The following TBC1D22A variants were observed in gnomAD, a reference collection of about 807,000 sequenced individuals.
TBC1D22A encodes putative GTPase activator.
In TBC1D22A, 38 loss-of-function variants were observed where a neutral mutation model predicts 60.2. That is an observed-to-expected ratio of 0.63 (90% CI 0.49 to 0.83). The LOEUF is 0.83. Ranked by LOEUF, TBC1D22A falls within the 40% of genes least tolerant of loss-of-function variation. The probability of loss-of-function intolerance (pLI) is 0.00; values close to 1 mark genes in which losing one functional copy is unlikely to be tolerated. For missense variants in TBC1D22A, 628 were observed against 701.0 expected (o/e 0.90, Z 1.18); for synonymous variants, 302 against 281.7 (o/e 1.07, Z -0.72).
At chr22:47,066,006 T>C (rs535264661) in intron 11 of TBC1D22A, among the ~76,000 whole-genome samples, 1 of 152,340 alleles carries the variant, frequency 6.6e-6, no homozygotes, top group African/African-American at 2.4e-5. Flanking sequence ...CACGCCACCC[T>C]GTGCGTCATG....
At chr22:46,960,325 G>A (rs1416683384) in intron 8 of TBC1D22A, among the ~76,000 whole-genome samples, 6 of 151,966 alleles carry the variant, frequency 3.9e-5, no homozygotes, top group East Asian at 1.9e-4. Context: ...GCAGCGGCAC[G>A]ATATGGGCTC....
At chr22:47,127,394 A>ATTTTTTTTT (rs11387235) in intron 12 of TBC1D22A, among the ~76,000 whole-genome samples, 3 of 122,514 alleles carry the variant, frequency 2.4e-5, no homozygotes, top group Non-Finnish European at 1.6e-5. Context: ...CGCCCAGCTG[A>ATTTTTTTTT]TTTTTTTTTT....
chr22:46,929,617 C>T (rs904875281), intron 8 of TBC1D22A, among the ~76,000 whole-genome samples: 2 of 152,186 alleles, frequency 1.3e-5, no homozygotes, highest in African/African-American at 4.8e-5. Context: ...GCAATTAATA[C>T]ACTCTCCAGT....
At chr22:46,810,312 C>T (rs1355904810) in intron 4 of TBC1D22A, among the ~76,000 whole-genome samples, 1 of 152,226 alleles carries the variant, frequency 6.6e-6, no homozygotes, top group African/African-American at 2.4e-5. Flanking sequence ...ATTTCTGTCT[C>T]CTTTCAGAAG....
intron 12 of TBC1D22A, among the ~76,000 whole-genome samples, chr22:47,123,802 G>A (rs986232728): frequency 2.6e-5 from 4 of 152,242 alleles, no homozygotes. Context: ...GTGCCTTTGT[G>A]TGCGGGTTGC....
intron 1 of TBC1D22A, among the ~76,000 whole-genome samples, chr22:46,772,536 A>G (rs1442624595): frequency 1.7e-5 from 1 of 58,592 alleles, no homozygotes; most frequent in Non-Finnish European, 3.3e-5. Flanking sequence ...ACACATATAC[A>G]TATATATGTA....
intron 5 of TBC1D22A, among the ~76,000 whole-genome samples, chr22:46,880,781 G>T (rs1369293355): frequency 6.6e-6 from 1 of 152,176 alleles, no homozygotes; most frequent in East Asian, 1.9e-4. Context: ...GGTGGGGAAG[G>T]AGGGGAGGGT....
At chr22:46,763,452 C>CA (rs2146642235) in intron 1 of TBC1D22A, 1 of 128,162 alleles carries the variant, frequency 7.8e-6, no homozygotes, top group Non-Finnish European at 1.6e-5. Flanking sequence ...GACCTGGGTA[C>CA]ACCCTAGATG....
chr22:47,079,267 AGTAGAGAT>A (rs1213004825), intron 11 of TBC1D22A, among the ~76,000 whole-genome samples: 3 of 151,870 alleles, frequency 2.0e-5, no homozygotes, highest in Non-Finnish European at 4.4e-5. Context: ...TTGTATTTTT[AGTAGAGAT>A]GGGGTTTCAC....
intron 10 of TBC1D22A, among the ~76,000 whole-genome samples, chr22:46,999,150 G>A (rs1242675585): frequency 6.6e-6 from 1 of 152,232 alleles, no homozygotes; most frequent in Admixed American, 6.5e-5. Flanking sequence ...GTTTGTTCCG[G>A]TGCTGCAGTT....
intron 8 of TBC1D22A, among the ~76,000 whole-genome samples, chr22:46,920,057 TTGTA>T (rs60952648): frequency 1.0e-4 from 6 of 59,156 alleles, no homozygotes; most frequent in Non-Finnish European, 1.4e-4. Context: ...ATGTGTTTGT[TTGTA>T]TGTATGTATG....
chr22:46,913,430 G>A (rs574355554), intron 8 of TBC1D22A: 1 of 1,365,420 alleles, frequency 7.3e-7, no homozygotes, highest in African/African-American at 1.5e-5. Context: ...ATCCTCAGAA[G>A]ATGAGGACAT....
chr22:46,929,297 G>A (rs2064165), intron 8 of TBC1D22A, among the ~76,000 whole-genome samples: 116,549 of 152,110 alleles, frequency 0.77, 44,823 homozygotes, highest in Middle Eastern at 0.85. Flanking sequence ...TAGAAGAGGC[G>A]TCACTGAATC....
At chr22:47,077,176 A>G (rs1268233706) in intron 11 of TBC1D22A, among the ~76,000 whole-genome samples, 2 of 152,204 alleles carry the variant, frequency 1.3e-5, no homozygotes, top group Admixed American at 1.3e-4. Flanking sequence ...GAGAAAGAGT[A>G]TTTGGTCGGA....
chr22:46,970,341 C>T (rs1265178022), intron 8 of TBC1D22A, among the ~76,000 whole-genome samples: 1 of 152,248 alleles, frequency 6.6e-6, no homozygotes. Context: ...TCATTTTTTC[C>T]TTTCAATCGC....
At chr22:46,823,837 G>A (rs567814298) in intron 4 of TBC1D22A, among the ~76,000 whole-genome samples, 2 of 152,312 alleles carry the variant, frequency 1.3e-5, no homozygotes, top group East Asian at 1.9e-4. Context: ...GAGTGCGGCC[G>A]TGACCAGGAC....
At chr22:47,153,226 T>TGG (rs1401395395) in intron 12 of TBC1D22A, among the ~76,000 whole-genome samples, 1 of 152,198 alleles carries the variant, frequency 6.6e-6, no homozygotes, top group Non-Finnish European at 1.5e-5. Context: ...AAGCTTCTCC[T>TGG]GAATTCCACC....
intron 11 of TBC1D22A, among the ~76,000 whole-genome samples, chr22:47,055,731 T>C (rs2148457069): frequency 6.6e-6 from 1 of 152,016 alleles, no homozygotes; most frequent in Non-Finnish European, 1.5e-5. Flanking sequence ...TCTGGCCCCT[T>C]GGGGCCAGGA....
At position 47,170,041 on chromosome 22, in the gene TBC1D22A, C is replaced by T. The variant is rs573795319; in HGVS notation, c.1426-3457C>T. Among the ~76,000 whole-genome samples the T allele has an allele frequency of 4.6e-5, 7 of 152,300 alleles. No homozygotes were observed. In the East Asian group the frequency reaches 9.7e-4, roughly 21 times the overall value. ...CAGCTCTTGGCTAATAAATGTGCCG[C>T]GTTTCCCAGACAGGAGACGACGTGG... On this transcript the variant is annotated intron_variant, in intron 12 of 12. Coordinates refer to ENST00000337137, the MANE Select transcript of TBC1D22A (RefSeq NM_014346.5).
Sources: allele counts gnomAD v4.1 joint callset (sites outside exome capture counted in the v4.1 genomes callset), GRCh38; gene constraint gnomAD v4.1.1; transcripts MANE v1.5; gene names NCBI Gene and HGNC (gene_info 2026-07-23, HGNC 2026-07-21).